PIGK: variants seen among roughly 807,000 people sequenced by gnomAD.
The protein encoded by PIGK is phosphatidylinositol glycan anchor biosynthesis class K.
PIGK carries 42 observed loss-of-function variants against 50.6 expected under a neutral mutation model. The ratio of observed to expected loss-of-function variants is 0.83; its 90% CI spans 0.65 to 1.07. PIGK has a LOEUF of 1.07. Ranked by LOEUF, PIGK falls within the 50% of genes least tolerant of loss-of-function variation. PIGK has a pLI of 0.00. For missense variants in PIGK, 448 were observed against 488.7 expected, an observed-to-expected ratio of 0.92 and a Z score of 0.78; for synonymous variants, 151 against 156.0, an observed-to-expected ratio of 0.97 and a Z score of 0.24.
At chr1:77,212,059 C>G (rs1290112918) in intron 1 of PIGK, among the ~76,000 whole-genome samples, 1 of 152,062 alleles carries the variant, frequency 6.6e-6, no homozygotes, top group African/African-American at 2.4e-5. Flanking sequence ...TTGAGCACAT[C>G]CTCTAGCATT....
chr1:77,133,460 G>C (rs550665920), intron 9 of PIGK, among the ~76,000 whole-genome samples: 1 of 152,172 alleles, frequency 6.6e-6, no homozygotes. Context: ...CTACCTCCAA[G>C]TTCTGGATCA....
intron 9 of PIGK, among the ~76,000 whole-genome samples, chr1:77,136,992 A>G (rs1654533856): frequency 6.6e-6 from 1 of 152,192 alleles, no homozygotes; most frequent in Admixed American, 6.5e-5. Flanking sequence ...CCTTTTTGAG[A>G]TACAACTTTG....
chr1:77,192,259 G>GA (rs1232266220), intron 3 of PIGK, among the ~76,000 whole-genome samples: 1 of 151,804 alleles, frequency 6.6e-6, no homozygotes, highest in Non-Finnish European at 1.5e-5. Context: ...AAATTAAAGG[G>GA]AAAAAATATA....
chr1:77,172,785 G>A (rs111348701), intron 3 of PIGK, among the ~76,000 whole-genome samples: 5,650 of 152,084 alleles, frequency 0.037, 205 homozygotes, highest in South Asian at 0.21. Context: ...TTAGCCGGGC[G>A]TGATGGCAGG....
chr1:77,115,979 A>G lies in PIGK; in HGVS notation c.1071+6296T>C, dbSNP rs74092416. Among the ~76,000 whole-genome samples the G allele has an allele frequency of 9.1e-3, 1,384 of 152,328 alleles. 23 individuals carry two copies. Among genetic ancestry groups the G allele is most frequent in the African/African-American group, 0.032 (1,320 of 41,576 alleles). On this transcript the variant is annotated intron_variant, in intron 10 of 10. Transcript: ENST00000370812. ...AGAGAAAGCCTAGAAGATGGTTAAG[A>G]ACACAGTGGGGAAAACAATAGATAT... is the stretch of plus-strand genomic sequence containing the variant.
intron 3 of PIGK, among the ~76,000 whole-genome samples, chr1:77,178,747 G>A (rs561682387): frequency 6.6e-6 from 1 of 152,228 alleles, no homozygotes; most frequent in African/African-American, 2.4e-5. Flanking sequence ...TTTTCTCAAA[G>A]GTTTTAAATG....
intron 8 of PIGK, among the ~76,000 whole-genome samples, chr1:77,158,562 TA>T (rs1655064666): frequency 6.6e-6 from 1 of 152,066 alleles, no homozygotes. Context: ...TGAATGGTTT[TA>T]ACCAAAAAGT....
At chr1:77,144,605 A>G (rs1414794680) in intron 9 of PIGK, among the ~76,000 whole-genome samples, 1 of 151,892 alleles carries the variant, frequency 6.6e-6, no homozygotes, top group Non-Finnish European at 1.5e-5. Context: ...ATGTTGTGCT[A>G]TACTATTTAT....
intron 1 of PIGK, among the ~76,000 whole-genome samples, chr1:77,212,661 T>C (rs1034800691): frequency 6.6e-6 from 1 of 152,182 alleles, no homozygotes; most frequent in Non-Finnish European, 1.5e-5. Flanking sequence ...GGAGTAGCTG[T>C]ACTTAGATCA....
At chr1:77,163,969 T>C (rs758174297) in intron 5 of PIGK, 27 bp from the exon 6 acceptor site, 23 of 1,300,866 alleles carry the variant, frequency 1.8e-5, no homozygotes, top group Non-Finnish European at 2.1e-5. Context: ...AAAAGATCAA[T>C]AGATTTTTTA....
intron 8 of PIGK, among the ~76,000 whole-genome samples, chr1:77,155,718 G>A (rs1424448393): frequency 6.6e-6 from 1 of 152,092 alleles, no homozygotes; most frequent in African/African-American, 2.4e-5. Flanking sequence ...AAGCATGAGA[G>A]ATATGAGGAA....
intron 9 of PIGK, among the ~76,000 whole-genome samples, chr1:77,130,456 G>A (rs926390452): frequency 6.6e-6 from 1 of 151,852 alleles, no homozygotes; most frequent in Non-Finnish European, 1.5e-5. Flanking sequence ...TTGCTTCAAC[G>A]TAGAATTTTT....
intron 8 of PIGK, among the ~76,000 whole-genome samples, chr1:77,160,731 C>A (rs546775853): frequency 6.6e-6 from 1 of 152,128 alleles, no homozygotes; most frequent in South Asian, 2.1e-4. Flanking sequence ...TGAAAAGAAT[C>A]AGCACAAAAA....
intron 1 of PIGK, among the ~76,000 whole-genome samples, 164 bp downstream of exon 1, chr1:77,219,146 A>G (rs1017603058): frequency 6.6e-6 from 1 of 152,168 alleles, no homozygotes; most frequent in Admixed American, 6.5e-5. Flanking sequence ...GCTGAAACAG[A>G]CCAACAGTGT....
chr1:77,180,222 T>C (rs1655579551), intron 3 of PIGK, among the ~76,000 whole-genome samples: 2 of 152,166 alleles, frequency 1.3e-5, no homozygotes, highest in Non-Finnish European at 2.9e-5. Context: ...TTCAAGCCCC[T>C]GCAAAACCTA....
At chr1:77,160,648 T>C (rs1345003476) in intron 8 of PIGK, among the ~76,000 whole-genome samples, 1 of 152,222 alleles carries the variant, frequency 6.6e-6, no homozygotes, top group Non-Finnish European at 1.5e-5. Flanking sequence ...CATAGTAAAT[T>C]ATCCAGTCTA....
At chr1:77,193,125 A>C (rs1038262719) in intron 3 of PIGK, among the ~76,000 whole-genome samples, 1 of 152,198 alleles carries the variant, frequency 6.6e-6, no homozygotes. Flanking sequence ...TCTTTCCTCC[A>C]AAGGAAGCAA....
chr1:77,186,930 TGG>T (rs1655762298), intron 3 of PIGK, among the ~76,000 whole-genome samples: 1 of 152,178 alleles, frequency 6.6e-6, no homozygotes, highest in South Asian at 2.1e-4. Context: ...AAAAGGGCAG[TGG>T]TTTGTCCCCA....
chr1:77,169,210 C>A, intron 4 of PIGK, 50 bp downstream of exon 4: 1 of 1,252,608 alleles, frequency 8.0e-7, no homozygotes, highest in Non-Finnish European at 1.1e-6. Context: ...GTTTTAGAGC[C>A]TAAAAGTAAC....
Sources: allele counts gnomAD v4.1 joint callset (sites outside exome capture counted in the v4.1 genomes callset), GRCh38; gene constraint gnomAD v4.1.1; transcripts MANE v1.5; gene names NCBI Gene and HGNC (gene_info 2026-07-23, HGNC 2026-07-21).